The following CCDC178 variants were observed in gnomAD, a reference collection of about 807,000 sequenced individuals.
The protein encoded by CCDC178 is coiled-coil domain containing 178, also known as coiled-coil domain-containing protein 178.
In CCDC178, 126 loss-of-function variants were observed where a neutral mutation model predicts 117.4. The observed-to-expected ratio is 1.07, with a 90% CI of 0.93 to 1.24. The LOEUF (loss-of-function observed/expected upper bound fraction) is 1.24. Among genes scored for constraint, CCDC178 ranks in the 50% most tolerant of loss-of-function variants. CCDC178 has a pLI of 0.00. For synonymous variants in CCDC178, 283 were observed against 313.4 expected, an observed-to-expected ratio of 0.90 and a Z score of 1.02; for missense variants, 1,030 against 986.9, an observed-to-expected ratio of 1.04 and a Z score of -0.59.
intron 20 of CCDC178, among the ~76,000 whole-genome samples, chr18:33,106,697 G>A (rs1339368375): frequency 6.6e-6 from 1 of 151,646 alleles, no homozygotes; most frequent in African/African-American, 2.4e-5. Flanking sequence ...CTATGACTAA[G>A]GTTACAGATT....
chr18:33,407,380 T>C (rs2063795572), intron 3 of CCDC178, among the ~76,000 whole-genome samples: 1 of 152,046 alleles, frequency 6.6e-6, no homozygotes, highest in Non-Finnish European at 1.5e-5. Flanking sequence ...ATTTAAAATA[T>C]GTGGGACAGC....
intron 20 of CCDC178, among the ~76,000 whole-genome samples, chr18:33,093,115 AG>A (rs2057492809): frequency 6.6e-6 from 1 of 151,966 alleles, no homozygotes; most frequent in Non-Finnish European, 1.5e-5. Context: ...TTTTTGATGC[AG>A]GTTTTTTTTT....
intron 21 of CCDC178, among the ~76,000 whole-genome samples, chr18:32,988,262 C>T (rs1323118574): frequency 6.6e-6 from 1 of 151,750 alleles, no homozygotes; most frequent in African/African-American, 2.4e-5. Flanking sequence ...ACGGTGAAAC[C>T]CCGTCCCTGT....
At chr18:33,329,373 C>T (rs2062632536) in intron 10 of CCDC178, among the ~76,000 whole-genome samples, 1 of 152,064 alleles carries the variant, frequency 6.6e-6, no homozygotes, top group Non-Finnish European at 1.5e-5. Flanking sequence ...ATTTATGATC[C>T]TAGAGGAAAA....
At chr18:33,222,329 C>T (rs1462623418) in intron 18 of CCDC178, among the ~76,000 whole-genome samples, 1 of 149,268 alleles carries the variant, frequency 6.7e-6, no homozygotes, top group Non-Finnish European at 1.5e-5. Context: ...CCCTCCCTTC[C>T]TTCCTTCATT....
chr18:33,252,437 T>G (rs892634243), intron 14 of CCDC178, among the ~76,000 whole-genome samples: 4 of 151,850 alleles, frequency 2.6e-5, no homozygotes, highest in African/African-American at 7.2e-5. Context: ...ATCATTTTAA[T>G]GCATTATTTG....
At chr18:33,318,519 A>C (rs894686056) in intron 11 of CCDC178, among the ~76,000 whole-genome samples, 1 of 152,198 alleles carries the variant, frequency 6.6e-6, no homozygotes, top group Non-Finnish European at 1.5e-5. Context: ...ATGTGAGAAA[A>C]CGATCAAGAA....
At chr18:32,967,404 CT>C (rs533735618) in intron 22 of CCDC178, among the ~76,000 whole-genome samples, 48 of 151,482 alleles carry the variant, frequency 3.2e-4, no homozygotes, top group African/African-American at 1.1e-3. Context: ...TAGACTATAT[CT>C]TTTATTAACA....
chr18:33,061,111 T>C (rs1418167943), intron 21 of CCDC178, among the ~76,000 whole-genome samples: 1 of 152,146 alleles, frequency 6.6e-6, no homozygotes, highest in Non-Finnish European at 1.5e-5. Context: ...CAGGCTTGTT[T>C]CAGCTTTAAA....
intron 9 of CCDC178, among the ~76,000 whole-genome samples, chr18:33,344,803 G>GCACACACACA (rs63067861): frequency 8.3e-6 from 1 of 120,844 alleles, no homozygotes; most frequent in Non-Finnish European, 1.7e-5. Flanking sequence ...TGCCTCTAAA[G>GCACACACACA]CACACACACA....
intron 9 of CCDC178, 112 bp from the exon 10 acceptor site, chr18:33,333,506 CTTTTTT>C (rs11361411): frequency 1.1e-3 from 163 of 152,782 alleles, no homozygotes; most frequent in East Asian, 2.1e-3. Context: ...AATCTTACTA[CTTTTTT>C]TTTTTTTTTT....
At chr18:33,053,069 C>T (rs955584840) in intron 21 of CCDC178, among the ~76,000 whole-genome samples, 2 of 152,134 alleles carry the variant, frequency 1.3e-5, no homozygotes, top group Admixed American at 1.3e-4. Context: ...ATAATAAGTG[C>T]ATGCACTGGG....
At chr18:33,083,763 T>C (rs2057334348) in intron 21 of CCDC178, among the ~76,000 whole-genome samples, 1 of 152,208 alleles carries the variant, frequency 6.6e-6, no homozygotes, top group Non-Finnish European at 1.5e-5. Flanking sequence ...TGAAATATTT[T>C]CCCATAGTTT....
chr18:32,946,220 C>G (rs2144606077), intron 22 of CCDC178, among the ~76,000 whole-genome samples: 1 of 152,228 alleles, frequency 6.6e-6, no homozygotes, highest in East Asian at 1.9e-4. Context: ...TGTTGATGAG[C>G]TAACCTTGTA....
chr18:32,939,223 ATGTG>A (rs1217742387), intron 22 of CCDC178, among the ~76,000 whole-genome samples: 1 of 152,062 alleles, frequency 6.6e-6, no homozygotes, highest in Non-Finnish European at 1.5e-5. Context: ...AATATTTGAT[ATGTG>A]TTAATATGTA....
intron 20 of CCDC178, among the ~76,000 whole-genome samples, chr18:33,132,260 C>A (rs546235022): frequency 1.3e-5 from 2 of 151,778 alleles, no homozygotes; most frequent in South Asian, 4.1e-4. Flanking sequence ...GAAATTAATT[C>A]TCTGCATATC....
intron 20 of CCDC178, among the ~76,000 whole-genome samples, chr18:33,163,879 T>G (rs1180427215): frequency 6.6e-6 from 1 of 152,198 alleles, no homozygotes; most frequent in East Asian, 1.9e-4. Context: ...ATAAAATCAA[T>G]TGCATCTGTG....
intron 21 of CCDC178, among the ~76,000 whole-genome samples, chr18:32,975,220 C>T (rs879158822): frequency 6.6e-6 from 1 of 152,264 alleles, no homozygotes; most frequent in South Asian, 2.1e-4. Flanking sequence ...CCATCAACTG[C>T]TGAGGGAGAA....
At chr18:33,262,059 C>G (rs2059757272) in intron 14 of CCDC178, among the ~76,000 whole-genome samples, 1 of 151,944 alleles carries the variant, frequency 6.6e-6, no homozygotes. Flanking sequence ...CTATAAAGGC[C>G]ATTAACTATA....
Sources: gnomAD v4.1 joint callset for allele counts (sites outside exome capture counted in the v4.1 genomes callset) on GRCh38, gnomAD v4.1.1 for gene constraint, MANE v1.5 for transcripts, NCBI Gene and HGNC (gene_info 2026-07-23, HGNC 2026-07-21) for gene names.